The following NBPF3 variants were observed in gnomAD, a reference collection of about 807,000 sequenced individuals.
The protein encoded by NBPF3 is NBPF family member NBPF3.
NBPF3 carries 57 observed loss-of-function variants against 78.1 expected under a neutral mutation model. The ratio of observed to expected loss-of-function variants is 0.73; its 90% CI spans 0.59 to 0.91. The LOEUF (loss-of-function observed/expected upper bound fraction) is 0.91. Among genes scored for constraint, NBPF3 ranks in the 40% least tolerant of loss-of-function variants. NBPF3 has a pLI of 0.00. For missense variants in NBPF3, 510 were observed against 715.3 expected, an observed-to-expected ratio of 0.71 and a Z score of 3.27; for synonymous variants, 182 against 271.7, an observed-to-expected ratio of 0.67 and a Z score of 3.25.
intron 2 of NBPF3, among the ~76,000 whole-genome samples, chr1:21,466,692 T>C (rs1350817931): frequency 1.3e-5 from 2 of 152,246 alleles, no homozygotes; most frequent in Non-Finnish European, 2.9e-5. Context: ...ATGTATACTC[T>C]TCCTATGACT....
intron 2 of NBPF3, chr1:21,453,384 G>T (rs1370453825): frequency 6.6e-6 from 1 of 152,196 alleles, no homozygotes; most frequent in Non-Finnish European, 1.5e-5. Flanking sequence ...TCCCATCAAG[G>T]AAGATCCAGA....
chr1:21,436,877 T>TGGGGGC (rs1261351070), upstream of NBPF3: 74 of 326,764 alleles, frequency 2.3e-4, 1 homozygote, highest in South Asian at 5.7e-3. The surrounding 1 kb of genome is among the most constrained non-coding windows in gnomAD (Gnocchi z 4.3). Context: ...GCCCTCCGGG[T>TGGGGGC]GGGGGCGGGG....
At chr1:21,467,258 C>T in intron 2 of NBPF3, 2 of 985,400 alleles carry the variant, frequency 2.0e-6, no homozygotes, top group East Asian at 1.1e-4. Flanking sequence ...TCCTTCACTA[C>T]CACATGAATG....
At chr1:21,474,183 TTTTTC>T (rs755684716) in intron 7 of NBPF3, among the ~76,000 whole-genome samples, 9 of 150,976 alleles carry the variant, frequency 6.0e-5, no homozygotes, top group East Asian at 4.0e-4. Flanking sequence ...TCTCTCTCTC[TTTTTC>T]TTTTCTTTTC....
In NBPF3 at chr1:21,471,731, G is replaced by C. The variant is rs1485191031; in HGVS notation, c.609G>C (p.Gln203His). Residue 203 changes from glutamine to histidine, a missense_variant, in exon 5 of 15, where the codon CAG becomes CAC. Physicochemically the swap from Gln to His is conservative, Grantham distance 24. Around this residue, in one of 5 missense-constraint regions of NBPF3, gnomAD observed 440 missense variants for 478.2 expected, o/e 0.92. Transcript: ENST00000318249. ...DNSQGRDLRE[Q>H]LAEGCRLAQH... is the part of the protein sequence containing the mutation. ...CCCAGGGACGGGACCTCCGAGAACA[G>C]CTGGCTGAGGGATGTAGGCTGGCAC... The C allele has an allele frequency of 6.2e-7, 1 of 1,613,508 alleles. No individual in the cohort carries two copies. Among genetic ancestry groups the C allele is most frequent in the South Asian group, 1.1e-5 (1 of 91,036 alleles).
In NBPF3 at chr1:21,454,696, C is replaced by T. The variant is rs191116915; in HGVS notation, c.133+9477C>T. On this transcript the variant is annotated intron_variant, in intron 2 of 14. Transcript: ENST00000318249. ...GGTAGACCCAATTCAACCATACAGG[C>T]GTCAACCATATCAGCATACAGGCAT... 1.2e-3 allele frequency among the ~76,000 whole-genome samples: 178 copies of T among 152,264 alleles called. 2 individuals are homozygous for T. The highest frequency in any genetic ancestry group is 0.01 in the Admixed American group (159 of 15,294).
At chr1:21,447,771 C>T (rs1304098350) in intron 2 of NBPF3, among the ~76,000 whole-genome samples, 1 of 152,134 alleles carries the variant, frequency 6.6e-6, no homozygotes, top group East Asian at 1.9e-4. Context: ...TTTTGATTTC[C>T]ACTAGCGATG....
At chr1:21,470,323 G>C (rs1026705061) in intron 3 of NBPF3, among the ~76,000 whole-genome samples, 3 of 152,198 alleles carry the variant, frequency 2.0e-5, no homozygotes, top group African/African-American at 4.8e-5. Context: ...AGGCTGCAAG[G>C]CTTGGGAAAG....
intron 1 of NBPF3, 175 bp downstream of exon 1, chr1:21,440,523 G>C (rs1424848609): frequency 6.6e-6 from 1 of 152,078 alleles, no homozygotes; most frequent in African/African-American, 2.4e-5. Context: ...TGGATTCTTC[G>C]CCTGCCGCTG....
intron 1 of NBPF3, among the ~76,000 whole-genome samples, chr1:21,443,279 G>A (rs1158676143): frequency 6.6e-6 from 1 of 152,184 alleles, no homozygotes; most frequent in African/African-American, 2.4e-5. Context: ...ACAGGTGTTG[G>A]TAATTCAGAT....
At chr1:21,479,167 G>A (rs1363302972) in intron 9 of NBPF3, among the ~76,000 whole-genome samples, 182 bp from the exon 10 acceptor site, 1 of 152,256 alleles carries the variant, frequency 6.6e-6, no homozygotes, top group African/African-American at 2.4e-5. Flanking sequence ...CAAGGCTCAT[G>A]AAAGGAACCA....
At chr1:21,451,862 C>A in intron 2 of NBPF3, 1 of 842,648 alleles carries the variant, frequency 1.2e-6, no homozygotes, top group Non-Finnish European at 1.5e-6. Flanking sequence ...AGTGTTAATG[C>A]CATGAAGCAG....
At chr1:21,446,259 C>A (rs1388300095) in intron 2 of NBPF3, 1 of 152,088 alleles carries the variant, frequency 6.6e-6, no homozygotes, top group Non-Finnish European at 1.5e-5. Context: ...GTGTCTCTGG[C>A]AACAGTGGGC....
At chr1:21,448,331 AT>A (rs1190787061) in intron 2 of NBPF3, among the ~76,000 whole-genome samples, 4,060 of 143,436 alleles carry the variant, frequency 0.028, 155 homozygotes, top group African/African-American at 0.093. Flanking sequence ...ATTTATTATT[AT>A]TTTTTTTTTT....
At chr1:21,439,441 A>T (rs2147877575), upstream of NBPF3, among the ~76,000 whole-genome samples, 1 of 152,066 alleles carries the variant, frequency 6.6e-6, no homozygotes, top group Non-Finnish European at 1.5e-5. Flanking sequence ...GGAAGCCAAG[A>T]TCATGCCATT....
chr1:21,437,882 T>A (rs1053042538), upstream of NBPF3, among the ~76,000 whole-genome samples: 6 of 150,960 alleles, frequency 4.0e-5, no homozygotes, highest in Non-Finnish European at 5.9e-5. Flanking sequence ...TGGAGTGCAG[T>A]GGAGCGATCT....
intron 2 of NBPF3, among the ~76,000 whole-genome samples, chr1:21,462,777 T>C (rs7364898): frequency 6.6e-6 from 1 of 152,238 alleles, no homozygotes; most frequent in Non-Finnish European, 1.5e-5. Flanking sequence ...CTAATTCTTA[T>C]TCCTCTCCTC....
chr1:21,436,886 G>A (rs1417753354), upstream of NBPF3: 2 of 505,332 alleles, frequency 4.0e-6, no homozygotes, highest in African/African-American at 2.0e-5. This position sits in a 1 kb window ranked among gnomAD's most constrained non-coding sequence, Gnocchi z 4.3. Flanking sequence ...GTGGGGGCGG[G>A]GACGGGTCCG....
intron 2 of NBPF3, among the ~76,000 whole-genome samples, chr1:21,459,414 G>T (rs1403094059): frequency 1.3e-5 from 2 of 152,118 alleles, no homozygotes; most frequent in African/African-American, 2.4e-5. Flanking sequence ...CACATATGTA[G>T]TTATTTATTT....
Sources: allele counts gnomAD v4.1 joint callset (sites outside exome capture counted in the v4.1 genomes callset), GRCh38; gene constraint gnomAD v4.1.1; regional missense constraint gnomAD v4.1.1; non-coding constraint Gnocchi (gnomAD v3.1); transcripts MANE v1.5; gene names NCBI Gene and HGNC (gene_info 2026-07-23, HGNC 2026-07-21).